The following CCSER1 variants were observed in gnomAD, a reference collection of about 807,000 sequenced individuals.
CCSER1 encodes the protein serine-rich coiled-coil domain-containing protein 1.
CCSER1 carries 41 observed loss-of-function variants against 82.0 expected under a neutral mutation model. That is an observed-to-expected ratio of 0.50 (90% CI 0.39 to 0.65). The LOEUF is 0.65. Among genes scored for constraint, CCSER1 ranks in the 30% least tolerant of loss-of-function variants. The probability of loss-of-function intolerance (pLI) is 0.00; values close to 1 mark genes in which losing one functional copy is unlikely to be tolerated. For synonymous variants in CCSER1, 414 were observed against 383.9 expected (o/e 1.08, Z -0.92); for missense variants, 1,119 against 1,064.2 (o/e 1.05, Z -0.72).
chr4:90,329,915 A>T (rs192272726), intron 3 of CCSER1, among the ~76,000 whole-genome samples: 20 of 152,288 alleles, frequency 1.3e-4, no homozygotes, highest in African/African-American at 4.6e-4. Flanking sequence ...TACTTATGTA[A>T]CTTATATAAT....
At chr4:91,457,244 C>G (rs1459689982) in intron 10 of CCSER1, among the ~76,000 whole-genome samples, 1 of 152,040 alleles carries the variant, frequency 6.6e-6, no homozygotes, top group Non-Finnish European at 1.5e-5. Flanking sequence ...TTAATCAGTA[C>G]TATAGTTTAT....
At chr4:90,661,713 G>A (rs987952134) in intron 6 of CCSER1, among the ~76,000 whole-genome samples, 13 of 151,996 alleles carry the variant, frequency 8.6e-5, no homozygotes, top group Admixed American at 2.0e-4. Context: ...TACTTAAATC[G>A]TATGCTATTG....
intron 5 of CCSER1, among the ~76,000 whole-genome samples, chr4:90,583,262 G>A (rs943732514): frequency 2.0e-5 from 3 of 152,216 alleles, no homozygotes; most frequent in East Asian, 1.9e-4. Context: ...CGCCTCCCTG[G>A]TTCAAGCTAT....
At chr4:91,381,464 G>A (rs1270354260) in intron 10 of CCSER1, among the ~76,000 whole-genome samples, 1 of 151,588 alleles carries the variant, frequency 6.6e-6, no homozygotes, top group African/African-American at 2.4e-5. Context: ...TCTTTTTTCT[G>A]TAAACTTTTC....
intron 6 of CCSER1, among the ~76,000 whole-genome samples, chr4:90,653,644 A>G (rs2088386): frequency 0.51 from 78,036 of 151,936 alleles, 20,283 homozygotes; most frequent in Middle Eastern, 0.67. Flanking sequence ...AGCCACCACC[A>G]TACCTATTTC....
intron 5 of CCSER1, among the ~76,000 whole-genome samples, chr4:90,512,872 C>T (rs918494411): frequency 1.3e-5 from 2 of 152,086 alleles, no homozygotes; most frequent in Admixed American, 6.5e-5. Flanking sequence ...AACATGTCTT[C>T]TTCTGGACAA....
intron 10 of CCSER1, among the ~76,000 whole-genome samples, chr4:91,399,289 A>G (rs1051698620): frequency 6.6e-6 from 1 of 151,892 alleles, no homozygotes. Flanking sequence ...TCCCTATCAG[A>G]TAGCTAAGAT....
intron 10 of CCSER1, among the ~76,000 whole-genome samples, chr4:91,158,895 A>T (rs1023530153): frequency 1.3e-5 from 2 of 151,966 alleles, no homozygotes; most frequent in Admixed American, 1.3e-4. Context: ...GCGAATCCAT[A>T]TTGGCTTGCT....
At chr4:90,844,216 G>A (rs549721277) in intron 8 of CCSER1, among the ~76,000 whole-genome samples, 1 of 151,234 alleles carries the variant, frequency 6.6e-6, no homozygotes, top group Non-Finnish European at 1.5e-5. Context: ...ATATATATAT[G>A]TATAGAGAGA....
At chr4:90,852,851 A>G (rs1390694903) in intron 8 of CCSER1, among the ~76,000 whole-genome samples, 1 of 152,196 alleles carries the variant, frequency 6.6e-6, no homozygotes, top group Non-Finnish European at 1.5e-5. Context: ...TATATTAAAA[A>G]GAAACTGATA....
intron 1 of CCSER1, among the ~76,000 whole-genome samples, chr4:90,244,733 A>C (rs892849809): frequency 1.3e-5 from 2 of 152,198 alleles, no homozygotes; most frequent in African/African-American, 4.8e-5. Flanking sequence ...CCGCCCCCAT[A>C]ATCCAGTCAC....
chr4:91,411,097 T>C (rs1405107696), intron 10 of CCSER1, among the ~76,000 whole-genome samples: 1 of 152,024 alleles, frequency 6.6e-6, no homozygotes, highest in African/African-American at 2.4e-5. Context: ...ATATAGATTT[T>C]AGAAATTACT....
intron 8 of CCSER1, among the ~76,000 whole-genome samples, chr4:90,900,098 T>G (rs536606998): frequency 5.4e-5 from 8 of 148,716 alleles, no homozygotes; most frequent in African/African-American, 2.0e-4. Context: ...CCCAGAGTTT[T>G]TTTTTTTTTT....
intron 10 of CCSER1, among the ~76,000 whole-genome samples, chr4:91,575,063 A>G (rs1763380780): frequency 6.6e-6 from 1 of 152,046 alleles, no homozygotes; most frequent in South Asian, 2.1e-4. Context: ...AAACTCATGT[A>G]TATAGGGTCA....
chr4:90,834,454 T>C (rs1761529558), intron 8 of CCSER1, among the ~76,000 whole-genome samples: 1 of 152,216 alleles, frequency 6.6e-6, no homozygotes, highest in Non-Finnish European at 1.5e-5. Context: ...TTGAAATTCC[T>C]TAGCTATTTA....
At chr4:91,374,341 C>T (rs543584052) in intron 10 of CCSER1, among the ~76,000 whole-genome samples, 56 of 152,244 alleles carry the variant, frequency 3.7e-4, no homozygotes, top group African/African-American at 7.7e-4. Context: ...TAGAGGCTAA[C>T]GCAGCTGGTA....
chr4:91,423,976 A>G (rs1413890842), intron 10 of CCSER1, among the ~76,000 whole-genome samples: 2 of 151,224 alleles, frequency 1.3e-5, no homozygotes, highest in Admixed American at 1.3e-4. Context: ...CAAAGAGTAC[A>G]TAACACTGTA....
intron 6 of CCSER1, among the ~76,000 whole-genome samples, chr4:90,711,177 T>C (rs1020819960): frequency 9.9e-5 from 15 of 152,202 alleles, no homozygotes; most frequent in African/African-American, 2.9e-4. Context: ...TACACATTGA[T>C]TTTGTATCCT....
chr4:91,498,654 GTCACCTT>G (rs1759056563), intron 10 of CCSER1, among the ~76,000 whole-genome samples: 1 of 151,010 alleles, frequency 6.6e-6, no homozygotes, highest in African/African-American at 2.4e-5. Context: ...TTATTTTGTA[GTCACCTT>G]AGGTGCAGAG....
Sources: gnomAD v4.1 joint callset for allele counts (sites outside exome capture counted in the v4.1 genomes callset) on GRCh38, gnomAD v4.1.1 for gene constraint, MANE v1.5 for transcripts, NCBI Gene and HGNC (gene_info 2026-07-23, HGNC 2026-07-21) for gene names.